PHC2: variants seen among roughly 807,000 people sequenced by gnomAD.
The protein encoded by PHC2 is polyhomeotic homolog 2, also known as polyhomeotic-like protein 2.
Under a neutral mutation model 87.4 loss-of-function variants are expected in PHC2, and 29 were observed. The observed-to-expected ratio is 0.33, with a 90% CI of 0.25 to 0.45. The LOEUF (loss-of-function observed/expected upper bound fraction) is 0.45, where lower values mean the gene tolerates loss of function less well. Among genes scored for constraint, PHC2 ranks in the 20% least tolerant of loss-of-function variants. PHC2 has a pLI of 1.00. For missense variants in PHC2, 857 were observed against 1,136.7 expected (o/e 0.75, Z 3.54); for synonymous variants, 438 against 461.7 (o/e 0.95, Z 0.66).
chr1:33,376,258 C>T (rs4345778), intron 1 of PHC2, among the ~76,000 whole-genome samples: 93,530 of 152,098 alleles, frequency 0.61, 29,981 homozygotes, highest in African/African-American at 0.82. Context: ...TGGTCTCGAA[C>T]TCCTGCCCCT....
intron 1 of PHC2, among the ~76,000 whole-genome samples, chr1:33,385,474 T>C (rs1039968333): frequency 6.6e-6 from 1 of 152,198 alleles, no homozygotes; most frequent in Non-Finnish European, 1.5e-5. Flanking sequence ...CTGCGCCTCA[T>C]TTGCCTCTCT....
rs2148318242 is a variant in PHC2 at position 33,367,318 on chromosome 1, A to G, written c.774T>C (p.Gly258=). 1 of 1,613,624 alleles carries G rather than the reference A, an allele frequency of 6.2e-7. No individual in the cohort carries two copies. Among genetic ancestry groups the G allele is most frequent in the Non-Finnish European group, 8.5e-7 (1 of 1,179,704 alleles). Residue 258 remains glycine (G), a synonymous_variant, in exon 7 of 15, where the codon GGT becomes GGC. Transcript: ENST00000683057. ...GTGCTGGGGTAGGCAGAGGCTGGCT[A>G]CCGCCCGGCGTGGGTTTCAGGGCCA... The part of the protein sequence containing the change: ...PSLALKPTPG[G]SQPLPTPAQS...
intron 1 of PHC2, among the ~76,000 whole-genome samples, chr1:33,395,169 C>T (rs1418469480): frequency 1.3e-5 from 2 of 152,014 alleles, no homozygotes; most frequent in African/African-American, 4.8e-5. Context: ...TTAAAAAATA[C>T]TATGCTGAAT....
chr1:33,326,926 GTGATGGAGCAAGCC>G (rs1409667403), intron 14 of PHC2, among the ~76,000 whole-genome samples: 1 of 152,192 alleles, frequency 6.6e-6, no homozygotes, highest in African/African-American at 2.4e-5. Flanking sequence ...AATAGCCTGG[GTGATGGAGCAAGCC>G]TCTATCTCAA....
chr1:33,350,091 C>T (rs1487833735), intron 9 of PHC2, among the ~76,000 whole-genome samples: 1 of 151,844 alleles, frequency 6.6e-6, no homozygotes, highest in African/African-American at 2.4e-5. Context: ...GAGGCGGGCG[C>T]CACGCCACGA....
intron 1 of PHC2, among the ~76,000 whole-genome samples, chr1:33,423,504 A>G (rs983454004): frequency 6.6e-6 from 1 of 152,236 alleles, no homozygotes; most frequent in African/African-American, 2.4e-5. Context: ...CACTGTCACT[A>G]GATGAACATC....
Position 33,355,365 on chromosome 1 carries a change from C to T in PHC2, c.977-112G>A, listed in dbSNP as rs572050462. On this transcript the variant is annotated intron_variant, in intron 7 of 14. Coordinates refer to ENST00000683057, the MANE Select transcript of PHC2 (RefSeq NM_001385109.1). ...AAAAATGGCTTCCCAAATTCAATGT[C>T]TCTTGTTTTCATCTCTTTCATTTTT... 139 of 926,276 alleles carry T rather than the reference C, an allele frequency of 1.5e-4. 1 individual carries two copies. The African/African-American group carries it at 2.0e-3, about 13-fold the overall frequency. 57.4% of individuals were successfully genotyped at this position (926,276 alleles called of 1,614,324 possible). A position where few individuals can be genotyped will look rare whatever the true frequency, so the allele number is the denominator to read the frequency against.
At chr1:33,397,245 G>A (rs531825844) in intron 1 of PHC2, among the ~76,000 whole-genome samples, 1 of 152,264 alleles carries the variant, frequency 6.6e-6, no homozygotes, top group African/African-American at 2.4e-5. Context: ...TTCTCCAGAG[G>A]GAGCTGCTCA....
chr1:33,417,124 A>C (rs1416690866), intron 1 of PHC2, among the ~76,000 whole-genome samples: 1 of 152,072 alleles, frequency 6.6e-6, no homozygotes, highest in Non-Finnish European at 1.5e-5. Context: ...AGAAAAGATA[A>C]AACAAAGACA....
intron 1 of PHC2, among the ~76,000 whole-genome samples, chr1:33,414,212 CACACACAA>C (rs1193070121): frequency 7.2e-5 from 11 of 151,770 alleles, no homozygotes; most frequent in African/African-American, 2.7e-4. Context: ...CACACACACA[CACACACAA>C]GAAAGGTTAA....
rs1251995127 is a variant in PHC2, at chr1:33,349,725, CG to C, written c.1558+4675del. The C allele has an allele frequency of 2.0e-6, 2 of 994,626 alleles. No homozygotes were observed. Among genetic ancestry groups the C allele is most frequent in the Non-Finnish European group, 2.4e-6 (2 of 835,018 alleles). The allele number at this position is 994,626 out of a possible 1,614,324, so 61.6% of individuals were successfully genotyped here. A position where few individuals can be genotyped will look rare whatever the true frequency, so the allele number is the denominator to read the frequency against. On this transcript the variant is annotated intron_variant, in intron 9 of 14. Transcript: ENST00000683057. This position sits in a 1 kb window ranked among gnomAD's most constrained non-coding sequence, Gnocchi z 4.2. The stretch of plus-strand genomic sequence containing the variant: ...CGCCGGGAGCCTCCGAGCCGGGGCC[CG>C]GGGCTGCCGCGGCGCATCCGACCGC...
At chr1:33,371,145 C>T (rs771306713) in intron 3 of PHC2, 51 bp from the exon 4 acceptor site, 2 of 1,425,104 alleles carry the variant, frequency 1.4e-6, no homozygotes, top group East Asian at 2.3e-5. Flanking sequence ...CCCCCAGTCA[C>T]TCCTGGGCTC....
At chr1:33,330,936 C>G (rs1232623434) in intron 12 of PHC2, among the ~76,000 whole-genome samples, 10 of 152,194 alleles carry the variant, frequency 6.6e-5, no homozygotes, top group Admixed American at 6.5e-4. Flanking sequence ...TAGCACACAG[C>G]AGGTTCTCAG....
Position 33,369,691 on chromosome 1 carries a change from G to C in PHC2, c.576+730C>G, listed in dbSNP as rs1178350106. ...GACTGTGTTACTTTCGGGATAGTGT[G>C]TCAAGAGCCCGAAGGAGCAGACTTC... is the stretch of plus-strand genomic sequence containing the variant. On this transcript the variant is annotated intron_variant, in intron 5 of 14. Coordinates refer to ENST00000683057, the MANE Select transcript of PHC2 (RefSeq NM_001385109.1). This position sits in a 1 kb window ranked among gnomAD's most constrained non-coding sequence, Gnocchi z 4.7. Among the ~76,000 whole-genome samples the C allele has an allele frequency of 6.6e-6, 1 of 152,196 alleles. No individual in the cohort carries two copies. The highest frequency in any genetic ancestry group is 1.5e-5 in the Non-Finnish European group (1 of 68,034).
Position 33,364,022 on chromosome 1 carries a change from A to G in PHC2, c.976+3094T>C. The stretch of plus-strand genomic sequence containing the variant: ...CTCCCCCACCTGCTCCCCCACCCCT[A>G]TTCTCGGCATAAGGGACCTTTTCTA... On this transcript the variant is annotated intron_variant, in intron 7 of 14. Transcript: ENST00000683057. The surrounding 1 kb of genome is among the most constrained non-coding windows in gnomAD (Gnocchi z 4.1). 1 of 412,186 alleles carries G rather than the reference A, an allele frequency of 2.4e-6. No individual in the cohort carries two copies. The highest frequency in any genetic ancestry group is 2.2e-5 in the African/African-American group (1 of 45,728). 25.5% of individuals were successfully genotyped at this position (412,186 alleles called of 1,614,324 possible).
At chr1:33,411,445 T>C (rs556468896) in intron 1 of PHC2, among the ~76,000 whole-genome samples, 7 of 151,466 alleles carry the variant, frequency 4.6e-5, no homozygotes, top group Admixed American at 1.3e-4. Flanking sequence ...GGAACATCTC[T>C]GTTTTTTGTT....
intron 7 of PHC2, chr1:33,359,124 T>C (rs191319493): frequency 6.6e-6 from 1 of 152,312 alleles, no homozygotes; most frequent in East Asian, 1.9e-4. Context: ...ACTTATCTCT[T>C]TTAGTAGGCA....
intron 1 of PHC2, among the ~76,000 whole-genome samples, chr1:33,424,922 G>C (rs1023236213): frequency 1.3e-5 from 2 of 152,152 alleles, no homozygotes; most frequent in Non-Finnish European, 2.9e-5. Context: ...GGTGATCAGA[G>C]GTCAGGACCT....
At position 33,395,016 on chromosome 1, in the gene PHC2, T is replaced by C. The variant is rs141737167; in HGVS notation, c.-54-19423A>G. Among the ~76,000 whole-genome samples the C allele has an allele frequency of 2.9e-3, 435 of 152,308 alleles. 1 individual carries two copies. The highest frequency in any genetic ancestry group is 4.7e-3 in the Non-Finnish European group (320 of 68,030). ...TTCACTCAAGCAAAATGAAAACATATGTTCATAAAAAGTCTTGTACAAATA... is the reference window on the plus strand; with the variant it reads ...TTCACTCAAGCAAAATGAAAACATACGTTCATAAAAAGTCTTGTACAAATA... On this transcript the variant is annotated intron_variant, in intron 1 of 14. Transcript: ENST00000683057.
Sources: gnomAD v4.1 joint callset for allele counts (sites outside exome capture counted in the v4.1 genomes callset) on GRCh38, gnomAD v4.1.1 for gene constraint, Gnocchi (gnomAD v3.1) non-coding constraint, MANE v1.5 for transcripts, NCBI Gene and HGNC (gene_info 2026-07-23, HGNC 2026-07-21) for gene names.